Variants in PLEKHA5 observed in about 807,000 individuals in gnomAD.
The protein encoded by PLEKHA5 is pleckstrin homology domain containing A5.
PLEKHA5 carries 55 observed loss-of-function variants against 181.9 expected under a neutral mutation model. The observed-to-expected ratio is 0.30, with a 90% CI of 0.24 to 0.38. The LOEUF (loss-of-function observed/expected upper bound fraction) is 0.38, where lower values mean the gene tolerates loss of function less well. Among genes scored for constraint, PLEKHA5 ranks in the 10% least tolerant of loss-of-function variants. PLEKHA5 has a pLI of 1.00. For synonymous variants in PLEKHA5, 535 were observed against 529.4 expected (o/e 1.01, Z -0.15); for missense variants, 1,432 against 1,549.5 (o/e 0.92, Z 1.27).
chr12:19,156,924 G>A (rs2041881070), intron 3 of PLEKHA5, among the ~76,000 whole-genome samples: 1 of 150,540 alleles, frequency 6.6e-6, no homozygotes, highest in Non-Finnish European at 1.5e-5. Context: ...AGCTGGGCAT[G>A]GTGGCACTCC....
rs576023947 is a variant in PLEKHA5, at chr12:19,267,191, G to A, written c.711+1341G>A. ...AGTTTTTCAGTCTGTTTTAGAGTAAGGAACTATAAGGTTCTTGCAGAAATT... is the reference window on the plus strand; with the variant it reads ...AGTTTTTCAGTCTGTTTTAGAGTAAAGAACTATAAGGTTCTTGCAGAAATT... On this transcript the variant is annotated intron_variant, in intron 8 of 31. Transcript: ENST00000429027. Among the ~76,000 whole-genome samples the A allele has an allele frequency of 4.6e-5, 7 of 152,234 alleles. No homozygotes were observed. In the East Asian group the frequency reaches 1.3e-3, roughly 29 times the overall value.
intron 7 of PLEKHA5, among the ~76,000 whole-genome samples, chr12:19,262,086 G>T (rs941061796): frequency 2.6e-5 from 4 of 152,110 alleles, no homozygotes; most frequent in Admixed American, 1.3e-4. Flanking sequence ...CACTCTTTCA[G>T]AAAGTTAGGA....
chr12:19,246,180 G>A (rs1035303049), intron 3 of PLEKHA5, among the ~76,000 whole-genome samples: 25 of 151,392 alleles, frequency 1.7e-4, no homozygotes, highest in Non-Finnish European at 2.5e-4. Flanking sequence ...GGGTTTCACC[G>A]TGTTAGCCAT....
intron 20 of PLEKHA5, among the ~76,000 whole-genome samples, chr12:19,330,755 T>TG (rs1177723927): frequency 6.6e-6 from 1 of 152,022 alleles, no homozygotes; most frequent in East Asian, 1.9e-4. Context: ...TATGGTGGAG[T>TG]ATTAGTGACC....
intron 3 of PLEKHA5, among the ~76,000 whole-genome samples, chr12:19,137,026 A>G (rs2035844531): frequency 6.6e-6 from 1 of 152,242 alleles, no homozygotes. Context: ...TTTGATATTT[A>G]AAGTTGTTTT....
At chr12:19,203,302 T>A (rs899312466) in intron 3 of PLEKHA5, among the ~76,000 whole-genome samples, 8 of 152,070 alleles carry the variant, frequency 5.3e-5, no homozygotes, top group Admixed American at 2.0e-4. Flanking sequence ...TAGAGTTGAC[T>A]CCCTCACTCT....
At chr12:19,337,137 ACCAC>A (rs2093495849) in intron 21 of PLEKHA5, among the ~76,000 whole-genome samples, 1 of 151,576 alleles carries the variant, frequency 6.6e-6, no homozygotes, top group Non-Finnish European at 1.5e-5. Flanking sequence ...ACAGGCATGC[ACCAC>A]CAAGCCTTAT....
chr12:19,293,188 GT>G (rs1453527208), intron 15 of PLEKHA5, among the ~76,000 whole-genome samples: 3 of 152,122 alleles, frequency 2.0e-5, no homozygotes, highest in African/African-American at 7.2e-5. Context: ...ATATTTGCCT[GT>G]TTGAAACAAA....
At position 19,347,054 on chromosome 12, in the gene PLEKHA5, C is replaced by T; in HGVS notation, c.2770C>T (p.Pro924Ser). 6.4e-7 allele frequency: 1 copy of T among 1,551,470 alleles called. No homozygotes were observed. The highest frequency in any genetic ancestry group is 8.7e-7 in the Non-Finnish European group (1 of 1,146,648). ...TCGGTCCTATGACTTTACAGAGCAG[C>T]CTCCCATAATCCCCCCTCTGCCCAG... is the stretch of plus-strand genomic sequence containing the variant. Reference protein sequence around the residue: ...LPRSYDFTEQPPIIPPLPSDS... With the variant: ...LPRSYDFTEQSPIIPPLPSDS... Residue 924 changes from proline (P) to serine (S), a missense_variant, in exon 24 of 32, where the codon CCT becomes TCT. This residue lies in a region of PLEKHA5 where 1,143 missense variants were observed against 1,168.4 expected (regional missense o/e 0.98). Transcript: ENST00000429027.
At chr12:19,247,240 A>G (rs11044461) in intron 3 of PLEKHA5, among the ~76,000 whole-genome samples, 83,575 of 152,094 alleles carry the variant, frequency 0.55, 26,900 homozygotes, top group Non-Finnish European at 0.74. Flanking sequence ...GAAACCTGTC[A>G]CTTAAAGTTG....
chr12:19,320,706 C>T, intron 18 of PLEKHA5, 82 bp downstream of exon 18: 1 of 626,714 alleles, frequency 1.6e-6, no homozygotes, highest in South Asian at 2.4e-5. Context: ...GACCAAAAAA[C>T]TTCTTTCTCC....
chr12:19,161,551 G>A (rs1392910047), intron 3 of PLEKHA5, among the ~76,000 whole-genome samples: 1 of 152,118 alleles, frequency 6.6e-6, no homozygotes, highest in South Asian at 2.1e-4. Flanking sequence ...GCATCCCACA[G>A]AATTCCATTA....
intron 30 of PLEKHA5, among the ~76,000 whole-genome samples, chr12:19,367,563 T>C (rs1388204845): frequency 6.6e-6 from 1 of 151,508 alleles, no homozygotes; most frequent in Non-Finnish European, 1.5e-5. Flanking sequence ...CCAGCTTTGC[T>C]TCTTTTTTAT....
At position 19,287,498 on chromosome 12, in the gene PLEKHA5, C is replaced by G. The variant is rs779063924; in HGVS notation, c.1805C>G (p.Ser602Ter). The G allele has an allele frequency of 6.2e-7, 1 of 1,610,804 alleles. No individual in the cohort carries two copies. The change falls in exon 13 of 32, where the codon TCA (serine) becomes TGA (stop). Residue 602 changes from serine (S) to a stop codon, truncating the protein, a stop_gained. Coordinates refer to ENST00000429027, the MANE Select transcript of PLEKHA5 (RefSeq NM_001256470.2). LOFTEE classifies it high-confidence loss of function. ...PKHVYVPDRR[S>*]VPAGLTLQSV... ...CATGTCTATGTGCCTGACAGAAGGT[C>G]AGTGCCAGCTGGCCTGACTTTACAG...
intron 3 of PLEKHA5, among the ~76,000 whole-genome samples, chr12:19,157,097 T>TACACAC (rs3056384): frequency 0.54 from 77,816 of 142,996 alleles, 21,228 homozygotes; most frequent in East Asian, 0.75. Context: ...TATATGTACA[T>TACACAC]ACACACACAC....
intron 20 of PLEKHA5, among the ~76,000 whole-genome samples, chr12:19,329,679 G>A (rs1371612917): frequency 1.3e-5 from 2 of 152,074 alleles, no homozygotes; most frequent in Non-Finnish European, 2.9e-5. Flanking sequence ...CCATTGTAAT[G>A]TCATCTTTGT....
intron 3 of PLEKHA5, among the ~76,000 whole-genome samples, chr12:19,159,017 C>A (rs1026687328): frequency 4.6e-5 from 7 of 152,062 alleles, no homozygotes; most frequent in Non-Finnish European, 1.0e-4. Flanking sequence ...AACATAAGAC[C>A]GGACAAATTA....
rs936000985 is a variant in PLEKHA5 at position 19,230,328 on chromosome 12, G to A, written c.228-23612G>A. ...GTGGATCCCGCACTGGGCCGCAGGCGGACCTGCCCACCAGTCCCATGCCGT... is the reference window on the plus strand; with the variant it reads ...GTGGATCCCGCACTGGGCCGCAGGCAGACCTGCCCACCAGTCCCATGCCGT... On this transcript the variant is annotated intron_variant, in intron 3 of 31. Transcript: ENST00000429027. 7.9e-5 allele frequency among the ~76,000 whole-genome samples: 12 copies of A among 152,200 alleles called. No individual in the cohort carries two copies. The East Asian group carries it at 9.7e-4, about 12-fold the overall frequency.
At chr12:19,286,917 G>C (rs917332361) in intron 12 of PLEKHA5, among the ~76,000 whole-genome samples, 1 of 147,764 alleles carries the variant, frequency 6.8e-6, no homozygotes, top group Non-Finnish European at 1.5e-5. Context: ...AGTGAGCTGA[G>C]ATCTTGCCAT....
Sources: allele counts gnomAD v4.1 joint callset (sites outside exome capture counted in the v4.1 genomes callset), GRCh38; gene constraint gnomAD v4.1.1; regional missense constraint gnomAD v4.1.1; transcripts MANE v1.5; gene names NCBI Gene and HGNC (gene_info 2026-07-23, HGNC 2026-07-21).